Variants in NRXN3 observed in about 807,000 individuals in gnomAD.
The protein encoded by NRXN3 is neurexin III.
NRXN3 carries 32 observed loss-of-function variants against 137.6 expected under a neutral mutation model. That is an observed-to-expected ratio of 0.23 (90% CI 0.18 to 0.31). The LOEUF (loss-of-function observed/expected upper bound fraction) is 0.31, where lower values mean the gene tolerates loss of function less well. Ranked by LOEUF, NRXN3 falls within the 10% of genes least tolerant of loss-of-function variation. NRXN3 has a pLI of 1.00. For missense variants in NRXN3, 1,574 were observed against 2,062.5 expected (o/e 0.76, Z 4.59); for synonymous variants, 798 against 784.5 (o/e 1.02, Z -0.29).
At chr14:79,785,794 A>G (rs1013484994) in intron 19 of NRXN3, among the ~76,000 whole-genome samples, 2 of 152,138 alleles carry the variant, frequency 1.3e-5, no homozygotes, top group Non-Finnish European at 2.9e-5. Context: ...ACCCTTTGAG[A>G]CCACTAACCA....
intron 1 of NRXN3, among the ~76,000 whole-genome samples, chr14:78,186,226 G>A (rs2060218172): frequency 6.6e-6 from 1 of 152,210 alleles, no homozygotes; most frequent in South Asian, 2.1e-4. Context: ...GCCAGTCTTC[G>A]TTGGTCAATG....
intron 4 of NRXN3, among the ~76,000 whole-genome samples, chr14:78,490,212 C>T (rs1203571978): frequency 8.0e-5 from 2 of 25,132 alleles, no homozygotes; most frequent in East Asian, 7.5e-4. Flanking sequence ...CACACCCGGC[C>T]TCCCAAAGTG....
chr14:78,698,306 T>G (rs1313173603), intron 6 of NRXN3: 1 of 152,094 alleles, frequency 6.6e-6, no homozygotes, highest in East Asian at 1.9e-4. Context: ...TTTCATTGAA[T>G]GCTTTTACAG....
intron 19 of NRXN3, among the ~76,000 whole-genome samples, chr14:79,716,110 G>C (rs1481629717): frequency 6.6e-6 from 1 of 152,168 alleles, no homozygotes; most frequent in Non-Finnish European, 1.5e-5. Flanking sequence ...AGTTTCCAAA[G>C]CTGGACTGCA....
chr14:79,211,552 C>T (rs1389965421), intron 15 of NRXN3, among the ~76,000 whole-genome samples: 1 of 152,072 alleles, frequency 6.6e-6, no homozygotes, highest in Admixed American at 6.6e-5. Context: ...AAACAGGAGA[C>T]CCTAAAAACT....
chr14:78,866,419 T>G (rs1278661712), intron 10 of NRXN3, among the ~76,000 whole-genome samples: 1 of 152,176 alleles, frequency 6.6e-6, no homozygotes, highest in African/African-American at 2.4e-5. Flanking sequence ...GGAATGATTA[T>G]TAGTAAGTCT....
intron 10 of NRXN3, among the ~76,000 whole-genome samples, chr14:78,914,585 A>G (rs2099249944): frequency 6.6e-6 from 1 of 152,120 alleles, no homozygotes; most frequent in Non-Finnish European, 1.5e-5. Context: ...AAGCATTGCA[A>G]ACAGAGGAAG....
In NRXN3 at chr14:78,487,072, C is replaced by G. The variant is rs147422493; in HGVS notation, c.758-158048C>G. ...GATAATCCTTCATTTCCAGTCACTG[C>G]TATGGTCTGGCTGACCTTCTGAATG... On this transcript the variant is annotated intron_variant, in intron 4 of 20. Coordinates refer to ENST00000335750, the MANE Select transcript of NRXN3 (RefSeq NM_001330195.2). Among the ~76,000 whole-genome samples the G allele has an allele frequency of 2.4e-4, 37 of 152,280 alleles. No individual in the cohort carries two copies. In the East Asian group the frequency reaches 6.9e-3, roughly 29 times the overall value.
At chr14:79,385,955 A>G (rs1373998456) in intron 15 of NRXN3, among the ~76,000 whole-genome samples, 2 of 152,196 alleles carry the variant, frequency 1.3e-5, no homozygotes, top group Non-Finnish European at 2.9e-5. Context: ...GACGTACCTC[A>G]AAATCATAAG....
chr14:78,741,411 A>G (rs1375016106), intron 8 of NRXN3, among the ~76,000 whole-genome samples: 1 of 152,214 alleles, frequency 6.6e-6, no homozygotes, highest in Non-Finnish European at 1.5e-5. Context: ...CCTCACCAGC[A>G]TTGCAAGGGA....
chr14:79,818,353 G>A lies in NRXN3; in HGVS notation c.4093+13163G>A, dbSNP rs181099104. ...CAGGCGTGAGCCACCGCGCCCGGCC[G>A]CACTTGGGGTTTCTAGCTCATTATT... is the stretch of plus-strand genomic sequence containing the variant. On this transcript the variant is annotated intron_variant, in intron 20 of 20. Transcript: ENST00000335750. Among the ~76,000 whole-genome samples the A allele has an allele frequency of 1.4e-3, 211 of 152,102 alleles. 1 individual carries two copies. Among genetic ancestry groups the A allele is most frequent in the African/African-American group, 4.7e-3 (197 of 41,494 alleles).
intron 4 of NRXN3, among the ~76,000 whole-genome samples, chr14:78,384,826 A>G (rs1479313394): frequency 6.6e-6 from 1 of 152,240 alleles, no homozygotes; most frequent in Non-Finnish European, 1.5e-5. Flanking sequence ...CGGTGATTCC[A>G]TAACTCTAAG....
rs35515937 is a variant in NRXN3, at chr14:79,316,729, C to CCTCTCTCTCTCTCTCTCTCT, written c.3263-150477_3263-150458dup. ...TTATCATCATGTAATCTGTCCTGTC[C>CCTCTCTCTCTCTCTCTCTCT]CTCTCTCTCTCTCTCTCTCTCTCTC... On this transcript the variant is annotated intron_variant, in intron 15 of 20. Transcript: ENST00000335750. Among the ~76,000 whole-genome samples, 102 of 138,002 alleles carry CCTCTCTCTCTCTCTCTCTCT rather than the reference C, an allele frequency of 7.4e-4. 1 individual carries two copies. Among genetic ancestry groups the CCTCTCTCTCTCTCTCTCTCT allele is most frequent in the African/African-American group, 2.8e-3 (100 of 35,866 alleles). The allele number at this position is 138,002 out of a possible 152,430, so 90.5% of individuals were successfully genotyped here.
At chr14:78,199,802 T>C (rs2061521866) in intron 1 of NRXN3, among the ~76,000 whole-genome samples, 1 of 152,236 alleles carries the variant, frequency 6.6e-6, no homozygotes, top group Admixed American at 6.5e-5. Context: ...CACCTGCTGA[T>C]GCGAGCAGCT....
intron 4 of NRXN3, among the ~76,000 whole-genome samples, chr14:78,626,485 T>C (rs763266241): frequency 3.3e-5 from 5 of 152,218 alleles, no homozygotes; most frequent in Non-Finnish European, 1.5e-5. Context: ...AAAATACATA[T>C]AATTTTTGAC....
chr14:79,470,576 A>G (rs73339480), intron 16 of NRXN3, among the ~76,000 whole-genome samples: 6,947 of 152,232 alleles, frequency 0.046, 549 homozygotes, highest in African/African-American at 0.16. Context: ...TCAAGTTTCC[A>G]GCACATGGAA....
Position 79,742,536 on chromosome 14 carries a change from C to T in NRXN3, c.4014+44599C>T, listed in dbSNP as rs554587684. Reference sequence around the variant, plus strand: ...CTCCACCTATATTATCATGTCAATCCAAGTATTTCTAAATAAAAGTAGAAG... The same window carrying T: ...CTCCACCTATATTATCATGTCAATCTAAGTATTTCTAAATAAAAGTAGAAG... On this transcript the variant is annotated intron_variant, in intron 19 of 20. Coordinates refer to ENST00000335750, the MANE Select transcript of NRXN3 (RefSeq NM_001330195.2). Among the ~76,000 whole-genome samples the T allele has an allele frequency of 4.6e-5, 7 of 152,096 alleles. No homozygotes were observed. In the South Asian group the frequency reaches 1.5e-3, roughly 32 times the overall value.
chr14:79,144,239 T>C (rs559998401), intron 15 of NRXN3, among the ~76,000 whole-genome samples: 125 of 152,312 alleles, frequency 8.2e-4, no homozygotes, highest in Non-Finnish European at 1.4e-3. Flanking sequence ...GTCCCCACCA[T>C]GCCCATTGTA....
intron 4 of NRXN3, among the ~76,000 whole-genome samples, chr14:78,364,867 C>T (rs1473906631): frequency 6.6e-6 from 1 of 152,176 alleles, no homozygotes; most frequent in Non-Finnish European, 1.5e-5. Context: ...CTTTGTCCAG[C>T]CACATTCCAC....
Sources: gnomAD v4.1 joint callset for allele counts (sites outside exome capture counted in the v4.1 genomes callset) on GRCh38, gnomAD v4.1.1 for gene constraint, MANE v1.5 for transcripts, NCBI Gene and HGNC (gene_info 2026-07-23, HGNC 2026-07-21) for gene names.